The following SEL1L2 variants were observed in gnomAD, a reference collection of about 807,000 sequenced individuals.
SEL1L2 encodes the protein SEL1L2 adaptor subunit of SYVN1 ubiquitin ligase.
A neutral mutation model predicts 98.8 loss-of-function variants in SEL1L2; 89 were observed. The observed-to-expected ratio is 0.90, with a 90% CI of 0.76 to 1.07. The LOEUF (loss-of-function observed/expected upper bound fraction) is 1.07, where lower values mean the gene tolerates loss of function less well. Ranked by LOEUF, SEL1L2 falls within the 50% of genes least tolerant of loss-of-function variation. SEL1L2 has a pLI of 0.00. For missense variants in SEL1L2, 788 were observed against 812.0 expected, an observed-to-expected ratio of 0.97 and a Z score of 0.36; for synonymous variants, 262 against 278.5, an observed-to-expected ratio of 0.94 and a Z score of 0.59.
At chr20:13,898,902 C>T (rs1296135643) in intron 5 of SEL1L2, among the ~76,000 whole-genome samples, 2 of 152,110 alleles carry the variant, frequency 1.3e-5, no homozygotes, top group East Asian at 3.9e-4. Context: ...GCCACCATGC[C>T]CAGATAATTT....
At chr20:13,854,380 A>G (rs1988801079) in intron 18 of SEL1L2, among the ~76,000 whole-genome samples, 1 of 152,192 alleles carries the variant, frequency 6.6e-6, no homozygotes, top group African/African-American at 2.4e-5. Context: ...AAAGGTTGTC[A>G]TATGTTTCTC....
chr20:13,919,251 C>A, intron 3 of SEL1L2, 128 bp from the exon 4 acceptor site: 1 of 593,168 alleles, frequency 1.7e-6, no homozygotes. Context: ...CCTCTGCATT[C>A]AAGAAGATCT....
chr20:13,994,113 G>A (rs917792784), upstream of SEL1L2, among the ~76,000 whole-genome samples: 12 of 151,754 alleles, frequency 7.9e-5, no homozygotes, highest in South Asian at 2.1e-4. Context: ...TGGCCAACAC[G>A]GTGAAAACCC....
At chr20:13,959,454 G>T (rs1014858089) in intron 1 of SEL1L2, among the ~76,000 whole-genome samples, 1 of 152,102 alleles carries the variant, frequency 6.6e-6, no homozygotes, top group Non-Finnish European at 1.5e-5. Context: ...GAGATGCACC[G>T]AAAACTGCAA....
At chr20:13,976,158 C>A (rs1224250511) in intron 1 of SEL1L2, among the ~76,000 whole-genome samples, 2 of 152,050 alleles carry the variant, frequency 1.3e-5, no homozygotes, top group Non-Finnish European at 2.9e-5. Flanking sequence ...CATGCCACCA[C>A]ACCCAGCTAA....
chr20:13,913,459 T>A (rs868771763), intron 5 of SEL1L2: 1 of 180,576 alleles, frequency 5.5e-6, no homozygotes, highest in South Asian at 2.0e-4. Context: ...GGAACGCATT[T>A]ATTAAAATAG....
At chr20:13,885,315 C>A (rs2046898895) in intron 10 of SEL1L2, 32 bp downstream of exon 10, 5 of 1,440,070 alleles carry the variant, frequency 3.5e-6, no homozygotes, top group Non-Finnish European at 4.9e-6. Flanking sequence ...ACCTTCCCCA[C>A]CCCATTTGAC....
upstream of SEL1L2, among the ~76,000 whole-genome samples, chr20:13,991,720 T>C (rs537757124): frequency 6.6e-6 from 1 of 152,262 alleles, no homozygotes; most frequent in East Asian, 1.9e-4. Flanking sequence ...TGGCTGGGCG[T>C]GGCAGCTCAC....
At chr20:13,994,120 A>T (rs11697554), upstream of SEL1L2, among the ~76,000 whole-genome samples, 3,513 of 151,978 alleles carry the variant, frequency 0.023, 53 homozygotes, top group Non-Finnish European at 0.038. Context: ...CACGGTGAAA[A>T]CCCATGTTTA....
At chr20:13,971,517 C>A (rs2051282649) in intron 1 of SEL1L2, among the ~76,000 whole-genome samples, 1 of 152,138 alleles carries the variant, frequency 6.6e-6, no homozygotes, top group Non-Finnish European at 1.5e-5. Flanking sequence ...CCTTCACCTC[C>A]CAGGCTCAAG....
At chr20:13,881,318 C>T (rs1424016436) in intron 10 of SEL1L2, among the ~76,000 whole-genome samples, 1 of 152,188 alleles carries the variant, frequency 6.6e-6, no homozygotes, top group African/African-American at 2.4e-5. Flanking sequence ...GGCCTGAATA[C>T]TTCTTTTATC....
At chr20:13,954,626 A>G (rs961082657) in intron 2 of SEL1L2, among the ~76,000 whole-genome samples, 1 of 152,122 alleles carries the variant, frequency 6.6e-6, no homozygotes, top group Non-Finnish European at 1.5e-5. Flanking sequence ...AGGCTTTACA[A>G]GGTTGGAAGG....
At chr20:13,859,661 T>A (rs889904350) in intron 17 of SEL1L2, among the ~76,000 whole-genome samples, 1 of 152,226 alleles carries the variant, frequency 6.6e-6, no homozygotes, top group Non-Finnish European at 1.5e-5. Context: ...TAGCGTAACA[T>A]CCATGGTATA....
intron 3 of SEL1L2, 115 bp downstream of exon 3, chr20:13,931,488 T>C: frequency 1.8e-6 from 1 of 552,414 alleles, no homozygotes; most frequent in Non-Finnish European, 2.7e-6. Flanking sequence ...AATGCTTTTG[T>C]GTGTATAAAT....
chr20:13,929,726 T>G (rs1410460701), intron 3 of SEL1L2, among the ~76,000 whole-genome samples: 2 of 151,822 alleles, frequency 1.3e-5, no homozygotes, highest in Admixed American at 1.3e-4. Context: ...GGTCTCGATC[T>G]CCTGACCTCG....
chr20:13,866,974 C>A, intron 14 of SEL1L2, 124 bp from the exon 15 acceptor site: 1 of 901,108 alleles, frequency 1.1e-6, no homozygotes, highest in Non-Finnish European at 1.5e-6. Flanking sequence ...AACCAAAAGT[C>A]AAGCTACTCT....
At chr20:13,918,959 G>T (rs2148227403) in intron 4 of SEL1L2, 62 bp downstream of exon 4, 1 of 1,123,508 alleles carries the variant, frequency 8.9e-7, no homozygotes, top group Non-Finnish European at 1.3e-6. Flanking sequence ...CTACATTTGG[G>T]ATTTTTCTTT....
intron 1 of SEL1L2, among the ~76,000 whole-genome samples, chr20:13,963,609 G>A (rs1267181340): frequency 3.3e-5 from 5 of 151,856 alleles, no homozygotes; most frequent in African/African-American, 9.7e-5. Context: ...CCAGCTATTC[G>A]GGGGGCTGAG....
intron 1 of SEL1L2, among the ~76,000 whole-genome samples, chr20:13,957,951 A>G (rs750311849): frequency 2.6e-5 from 4 of 152,176 alleles, no homozygotes; most frequent in Non-Finnish European, 5.9e-5. Flanking sequence ...TAAAGACGAT[A>G]CATATCTGAT....
Sources: gnomAD v4.1 joint callset for allele counts (sites outside exome capture counted in the v4.1 genomes callset) on GRCh38, gnomAD v4.1.1 for gene constraint, MANE v1.5 for transcripts, NCBI Gene and HGNC (gene_info 2026-07-23, HGNC 2026-07-21) for gene names.